The following LMTK2 variants were observed in gnomAD, a reference collection of about 807,000 sequenced individuals.
LMTK2 encodes the protein serine/threonine-protein kinase LMTK2.
In LMTK2, 37 loss-of-function variants were observed where a neutral mutation model predicts 127.5. The ratio of observed to expected loss-of-function variants is 0.29; its 90% CI spans 0.22 to 0.38. LMTK2 has a LOEUF of 0.38. Ranked by LOEUF, LMTK2 falls within the 10% of genes least tolerant of loss-of-function variation. LMTK2 has a pLI of 1.00. For synonymous variants in LMTK2, 819 were observed against 810.1 expected (o/e 1.01, Z -0.19); for missense variants, 1,694 against 1,920.3 (o/e 0.88, Z 2.20).
intron 6 of LMTK2, among the ~76,000 whole-genome samples, chr7:98,162,342 A>G (rs770809970): frequency 6.6e-6 from 1 of 152,238 alleles, no homozygotes; most frequent in Non-Finnish European, 1.5e-5. Flanking sequence ...AATATAAGAA[A>G]TACATCTGTT....
Position 98,193,706 on chromosome 7 carries a change from G to A in LMTK2, c.3241G>A (p.Gly1081Ser). The change falls in exon 11 of 14, where the codon GGT becomes AGT. Residue 1081 changes from glycine (G) to serine (S), a missense_variant. Coordinates refer to ENST00000297293, the MANE Select transcript of LMTK2 (RefSeq NM_014916.4). This position sits in a 1 kb window ranked among gnomAD's most constrained non-coding sequence, Gnocchi z 4.1. ...CATTGTCATCTCAGATGCCGGCGAT[G>A]GTCACAGAGGCACAGAAGTGACCCC... ...PVIVISDAGD[G>S]HRGTEVTPET... 6.2e-7 allele frequency: 1 copy of A among 1,613,784 alleles called. No homozygotes were observed. The highest frequency in any genetic ancestry group is 8.5e-7 in the Non-Finnish European group (1 of 1,179,984).
chr7:98,147,531 A>C (rs1470604910), intron 3 of LMTK2, among the ~76,000 whole-genome samples: 3 of 152,156 alleles, frequency 2.0e-5, no homozygotes, highest in African/African-American at 7.2e-5. Context: ...GGGCAAGTTT[A>C]TCTTACTTGG....
intron 7 of LMTK2, among the ~76,000 whole-genome samples, chr7:98,184,258 T>G (rs921368807): frequency 2.0e-5 from 3 of 152,194 alleles, no homozygotes; most frequent in African/African-American, 4.8e-5. Context: ...GAGGCCATTT[T>G]GCCTCTTAGT....
At chr7:98,165,952 G>A (rs568475242) in intron 6 of LMTK2, among the ~76,000 whole-genome samples, 219 of 152,226 alleles carry the variant, frequency 1.4e-3, no homozygotes, top group Non-Finnish European at 2.6e-3. Context: ...GTTGAGGTGT[G>A]GGGGTGATTG....
intron 11 of LMTK2, among the ~76,000 whole-genome samples, chr7:98,196,257 A>T (rs1301276557): frequency 6.6e-6 from 1 of 151,844 alleles, no homozygotes; most frequent in Non-Finnish European, 1.5e-5. Context: ...GCGAGGGGCC[A>T]GGAGGCCGTC....
intron 1 of LMTK2, among the ~76,000 whole-genome samples, chr7:98,136,918 G>A (rs777697628): frequency 2.3e-4 from 35 of 152,246 alleles, no homozygotes; most frequent in Non-Finnish European, 1.0e-4. Flanking sequence ...TAAATGCAAC[G>A]TTGGTAGTTT....
intron 9 of LMTK2, among the ~76,000 whole-genome samples, chr7:98,187,616 G>T (rs559521329): frequency 1.2e-4 from 18 of 151,206 alleles, no homozygotes; most frequent in Non-Finnish European, 2.2e-4. Context: ...TGTTGTTGTT[G>T]TTGTTTTGAG....
chr7:98,204,712 T>C (rs548343231), intron 13 of LMTK2, among the ~76,000 whole-genome samples: 1 of 152,382 alleles, frequency 6.6e-6, no homozygotes, highest in South Asian at 2.1e-4. Flanking sequence ...TCAGGCTCGT[T>C]ACCGGCCACC....
At chr7:98,140,692 C>T (rs1355963490) in intron 2 of LMTK2, among the ~76,000 whole-genome samples, 2 of 152,008 alleles carry the variant, frequency 1.3e-5, no homozygotes, top group Non-Finnish European at 2.9e-5. Flanking sequence ...ATTAGAAATG[C>T]ATATACAACT....
intron 7 of LMTK2, among the ~76,000 whole-genome samples, chr7:98,172,824 C>T (rs535950871): frequency 1.2e-4 from 19 of 152,162 alleles, no homozygotes; most frequent in Non-Finnish European, 1.9e-4. Context: ...GTGATGTGAT[C>T]TCGGCTCACT....
At position 98,171,536 on chromosome 7, in the gene LMTK2, T is replaced by C. The variant is rs139248521; in HGVS notation, c.658-5T>C. Reference sequence around the variant, plus strand: ...TTGGAAACTCACACGGGCTGACTTTTGCAGGGTGACCTGAAGGCGTATCTG... The same window carrying C: ...TTGGAAACTCACACGGGCTGACTTTCGCAGGGTGACCTGAAGGCGTATCTG... On this transcript the variant is annotated splice_region_variant and splice_polypyrimidine_tract_variant and intron_variant, in intron 6 of 13. Coordinates refer to ENST00000297293, the MANE Select transcript of LMTK2 (RefSeq NM_014916.4). This position sits in a 1 kb window ranked among gnomAD's most constrained non-coding sequence, Gnocchi z 5.1. 1.2e-3 allele frequency: 1,893 copies of C among 1,614,092 alleles called. 26 individuals carry two copies. In the African/African-American group the frequency reaches 0.022, roughly 19 times the overall value.
intron 1 of LMTK2, among the ~76,000 whole-genome samples, chr7:98,132,373 C>T (rs1300676834): frequency 1.3e-5 from 2 of 152,148 alleles, no homozygotes. Flanking sequence ...GCCTCAGCCT[C>T]CCGAGTAGCT....
intron 1 of LMTK2, among the ~76,000 whole-genome samples, chr7:98,113,590 A>G (rs1444512157): frequency 6.6e-6 from 1 of 152,142 alleles, no homozygotes; most frequent in African/African-American, 2.4e-5. Context: ...GTGCTTTTAT[A>G]GTCGACTAGC....
intron 6 of LMTK2, among the ~76,000 whole-genome samples, chr7:98,165,986 C>T (rs1288634859): frequency 6.6e-6 from 1 of 152,054 alleles, no homozygotes; most frequent in Non-Finnish European, 1.5e-5. Flanking sequence ...TTCCCAGTCC[C>T]TGCGTCTGCC....
intron 9 of LMTK2, among the ~76,000 whole-genome samples, chr7:98,188,060 A>G (rs1045700325): frequency 1.3e-5 from 2 of 152,158 alleles, no homozygotes; most frequent in Admixed American, 6.5e-5. Flanking sequence ...GTTGTTAATT[A>G]TAGTCACCCT....
intron 3 of LMTK2, among the ~76,000 whole-genome samples, chr7:98,148,272 C>T (rs959464656): frequency 2.6e-5 from 4 of 151,792 alleles, no homozygotes; most frequent in Non-Finnish European, 5.9e-5. Flanking sequence ...GGTGGATCAC[C>T]TGAGGTCAGG....
chr7:98,203,929 A>T lies in LMTK2; in HGVS notation c.4241-15A>T. 6.2e-7 allele frequency: 1 copy of T among 1,612,018 alleles called. No homozygotes were observed. Among genetic ancestry groups the T allele is most frequent in the Non-Finnish European group, 8.5e-7 (1 of 1,179,496 alleles). ...GCAGTGATAAAAAGGGTGGGGTTTT[A>T]TTTTTTATTTCTAGGTGGTGGCTTT... On this transcript the variant is annotated splice_polypyrimidine_tract_variant and intron_variant, in intron 12 of 13. Transcript: ENST00000297293.
At chr7:98,154,195 C>T (rs1042656616) in intron 4 of LMTK2, among the ~76,000 whole-genome samples, 3 of 152,118 alleles carry the variant, frequency 2.0e-5, no homozygotes, top group Admixed American at 2.0e-4. Context: ...ATTCTCATTT[C>T]GTGTTCTGCT....
rs184155034 is a variant in LMTK2 at position 98,142,005 on chromosome 7, A to G, written c.376+464A>G. Among the ~76,000 whole-genome samples the G allele has an allele frequency of 8.5e-5, 13 of 152,284 alleles. No individual in the cohort carries two copies. In the East Asian group the frequency reaches 2.5e-3, roughly 29 times the overall value. ...GTTAGTTGATGTCTTGTGAAAAAAT[A>G]GAATGTGACTAGAAAAATAGAATGT... is the stretch of plus-strand genomic sequence containing the variant. On this transcript the variant is annotated intron_variant, in intron 3 of 13. Transcript: ENST00000297293.
Sources: gnomAD v4.1 joint callset for allele counts (sites outside exome capture counted in the v4.1 genomes callset) on GRCh38, gnomAD v4.1.1 for gene constraint, Gnocchi (gnomAD v3.1) non-coding constraint, MANE v1.5 for transcripts, NCBI Gene and HGNC (gene_info 2026-07-23, HGNC 2026-07-21) for gene names.